The following PBXIP1 variants were observed in gnomAD, a reference collection of about 807,000 sequenced individuals.
PBXIP1 encodes the protein PBX homeobox interacting protein 1.
Under a neutral mutation model 73.7 loss-of-function variants are expected in PBXIP1, and 73 were observed. The ratio of observed to expected loss-of-function variants is 0.99; its 90% CI spans 0.82 to 1.20. PBXIP1 has a LOEUF of 1.20. Among genes scored for constraint, PBXIP1 ranks in the 50% most tolerant of loss-of-function variants. The pLI is 0.00. For missense variants in PBXIP1, 818 were observed against 911.4 expected (o/e 0.90, Z 1.32); for synonymous variants, 330 against 366.9 (o/e 0.90, Z 1.15).
chr1:154,950,824 T>C (rs1206154890), intron 5 of PBXIP1, among the ~76,000 whole-genome samples: 1 of 152,224 alleles, frequency 6.6e-6, no homozygotes, highest in African/African-American at 2.4e-5. Context: ...GTACCTTAAT[T>C]ACAGTTCTGT....
chr1:154,956,025 C>G (rs1379862897), intron 1 of PBXIP1, 44 bp downstream of exon 1: 1 of 152,414 alleles, frequency 6.6e-6, no homozygotes, highest in African/African-American at 2.4e-5. Flanking sequence ...TATTCCACCC[C>G]CTTCAAAGCG....
chr1:154,947,652 C>T lies in PBXIP1; in HGVS notation c.728G>A (p.Gly243Glu), dbSNP rs144153466. 1.9e-6 allele frequency: 3 copies of T among 1,613,932 alleles called. No homozygotes were observed. In the African/African-American group the frequency reaches 4.0e-5, roughly 22 times the overall value. ...GACATTCACACATACCTGCCTGTCC[C>T]CCACAGCTTCCAGCACCTCGGGGTC... Reference protein sequence around the residue: ...LPDPEVLEAVGDRQDGLREQL... With the variant: ...LPDPEVLEAVEDRQDGLREQL... The change falls in exon 8 of 11, where the codon GGG becomes GAG. Residue 243 changes from glycine to glutamate, a missense_variant. Gly to Glu is a moderately conservative substitution (Grantham distance 98). Transcript: ENST00000368463.
Position 154,945,764 on chromosome 1 carries a change from G to A in PBXIP1, c.1910C>T (p.Pro637Leu). Residue 637 changes from proline (P) to leucine (L), a missense_variant, in exon 10 of 11, where the codon CCC (proline) becomes CTC (leucine). Transcript: ENST00000368463. ...PWAGQLTKEL[P>L]LSPAFFGEDG... ...CTCACCAAAGAAAGCAGGTGAGAGGGGTAGCTCCTTGGTCAGCTGCCCAGC... is the reference window on the plus strand; with the variant it reads ...CTCACCAAAGAAAGCAGGTGAGAGGAGTAGCTCCTTGGTCAGCTGCCCAGC... 1.9e-6 allele frequency: 3 copies of A among 1,614,210 alleles called. No individual in the cohort carries two copies. The highest frequency in any genetic ancestry group is 2.5e-6 in the Non-Finnish European group (3 of 1,180,024).
chr1:154,955,594 T>C (rs914819530), intron 1 of PBXIP1, among the ~76,000 whole-genome samples: 4 of 152,172 alleles, frequency 2.6e-5, no homozygotes, highest in Non-Finnish European at 5.9e-5. Context: ...TATTAGGAAG[T>C]TCCTTCTGCT....
At chr1:154,953,814 G>T in intron 1 of PBXIP1, 57 bp from the exon 2 acceptor site, 2 of 1,148,460 alleles carry the variant, frequency 1.7e-6, no homozygotes, top group Non-Finnish European at 2.5e-6. Flanking sequence ...GCAGAATGCA[G>T]AAAGCAGCCT....
At position 154,946,665 on chromosome 1, in the gene PBXIP1, G is replaced by C; in HGVS notation, c.1009C>G (p.Arg337Gly). 6.2e-7 allele frequency: 1 copy of C among 1,612,678 alleles called. No homozygotes were observed. The highest frequency in any genetic ancestry group is 8.5e-7 in the Non-Finnish European group (1 of 1,179,048). ...CAGTCGGCCTCCAGCCCCTGGAGCC[G>C]GGCCCGCAGCTGCTGCAGCTCTGAC... ...LESELQQLRA[R>G]LQGLEADCVR... The change falls in exon 10 of 11, where the codon CGG becomes GGG. Residue 337 changes from arginine to glycine, a missense_variant. By Grantham distance (125) the Arg-to-Gly change is moderately radical (BLOSUM62 -2). Transcript: ENST00000368463.
chr1:154,953,790 T>C, intron 1 of PBXIP1, 33 bp from the exon 2 acceptor site: 2 of 1,440,352 alleles, frequency 1.4e-6, no homozygotes, highest in South Asian at 2.4e-5. Context: ...GGATGGGAGC[T>C]CCCTTCAGGA....
rs1202033790 is a variant in PBXIP1 at position 154,948,321 on chromosome 1, G to C, written c.455C>G (p.Thr152Ser). 4 of 1,609,624 alleles carry C rather than the reference G, an allele frequency of 2.5e-6. No homozygotes were observed. The highest frequency in any genetic ancestry group is 3.4e-6 in the Non-Finnish European group (4 of 1,178,288). Residue 152 changes from threonine to serine, a missense_variant, in exon 6 of 11, where the codon ACC (threonine) becomes AGC (serine). Transcript: ENST00000368463. The part of the protein sequence containing the change: ...EGRCSSSDDD[T>S]DVDMEGLRRR... ...CCGCAGACCCTCCATGTCCACGTCG[G>C]TGTCATCGTCACTGCTGGAGCAGCG...
At chr1:154,946,848 C>A in intron 9 of PBXIP1, 45 bp from the exon 10 acceptor site, 1 of 1,498,996 alleles carries the variant, frequency 6.7e-7, no homozygotes, top group South Asian at 1.4e-5. Flanking sequence ...GAGTTCTTGT[C>A]AGGATAGCCC....
rs1388728618 is a variant in PBXIP1 at position 154,946,458 on chromosome 1, C to A, written c.1216G>T (p.Gly406Trp). ...CTCTCCAGATCCTGCTGTACAGACC[C>A]CAGCAGCCGTCGCTGCCTCTCTAAC... ...QELERQRRLL[G>W]SVQQDLERSL... Residue 406 changes from glycine (G) to tryptophan (W), a missense_variant, in exon 10 of 11, where the codon GGG becomes TGG. Physicochemically the swap from Gly to Trp is radical, Grantham distance 184. Transcript: ENST00000368463. 4 of 1,608,562 alleles carry A rather than the reference C, an allele frequency of 2.5e-6. No individual in the cohort carries two copies. Among genetic ancestry groups the A allele is most frequent in the African/African-American group, 1.3e-5 (1 of 74,940 alleles).
At chr1:154,948,463 C>T in intron 5 of PBXIP1, 97 bp from the exon 6 acceptor site, 1 of 881,256 alleles carries the variant, frequency 1.1e-6, no homozygotes, top group Non-Finnish European at 1.7e-6. Flanking sequence ...GGAGGGAGGT[C>T]GTCAGCCCTG....
At position 154,944,398 on chromosome 1, in the gene PBXIP1, G is replaced by T. The variant is rs12403067; in HGVS notation, c.*626C>A. ...GGGATGGACCCATCCATTCAGGCAG[G>T]GGGTGTGGGGTGTCCCCTGTGCTTA... On this transcript the variant is annotated 3_prime_UTR_variant, in exon 11 of 11. Transcript: ENST00000368463. 2.0e-5 allele frequency: 3 copies of T among 152,632 alleles called. No individual in the cohort carries two copies. The highest frequency in any genetic ancestry group is 1.3e-4 in the Admixed American group (2 of 15,310). 9.5% of individuals were successfully genotyped at this position (152,632 alleles called of 1,614,324 possible).
In PBXIP1 at chr1:154,944,205, G is replaced by A. The variant is rs941998416; in HGVS notation, c.*819C>T. 6.6e-6 allele frequency: 1 copy of A among 152,238 alleles called. No homozygotes were observed. The highest frequency in any genetic ancestry group is 2.4e-5 in the African/African-American group (1 of 41,414). The allele number at this position is 152,238 out of a possible 1,614,324, so 9.4% of individuals were successfully genotyped here. A position where few individuals can be genotyped will look rare whatever the true frequency, so the allele number is the denominator to read the frequency against. ...TCACTTGGCCTGGATTTGAGCCTGAGGCTCAGACTCCAAAACCCACACTCA... is the reference window on the plus strand; with the variant it reads ...TCACTTGGCCTGGATTTGAGCCTGAAGCTCAGACTCCAAAACCCACACTCA... On this transcript the variant is annotated 3_prime_UTR_variant, in exon 11 of 11. Transcript: ENST00000368463.
Position 154,944,894 on chromosome 1 carries a change from T to C in PBXIP1, c.*130A>G. ...AGTGACATCAGTGCAGGGCTGGTGA[T>C]TTTGCTCTACTGTGTGAAAGATATC... On this transcript the variant is annotated 3_prime_UTR_variant, in exon 11 of 11. Coordinates refer to ENST00000368463, the MANE Select transcript of PBXIP1 (RefSeq NM_020524.4). 1 of 704,554 alleles carries C rather than the reference T, an allele frequency of 1.4e-6. No individual in the cohort carries two copies. The highest frequency in any genetic ancestry group is 2.5e-6 in the Non-Finnish European group (1 of 407,160). 43.6% of individuals were successfully genotyped at this position (704,554 alleles called of 1,614,324 possible).
intron 5 of PBXIP1, among the ~76,000 whole-genome samples, chr1:154,948,573 G>A (rs1018231149): frequency 1.3e-5 from 2 of 152,154 alleles, no homozygotes; most frequent in African/African-American, 4.8e-5. Context: ...GACCAGTGCT[G>A]TCAATCTACG....
rs775754687 is a variant in PBXIP1 at position 154,951,326 on chromosome 1, C to T, written c.315G>A (p.Leu105=). ...GPGDTVVQGD[L]QETTVVTGLG... is the part of the protein sequence containing the mutation. ...GGCCTGTCACCACGGTGGTCTCCTG[C>T]AGGTCTCCCTGGACTACTGTGTCTC... The change falls in exon 5 of 11, where the codon CTG becomes CTA. Residue 105 remains leucine, a synonymous_variant. Coordinates refer to ENST00000368463, the MANE Select transcript of PBXIP1 (RefSeq NM_020524.4). The surrounding 1 kb of genome is among the most constrained non-coding windows in gnomAD (Gnocchi z 4.3). The T allele has an allele frequency of 2.5e-6, 4 of 1,614,088 alleles. No individual in the cohort carries two copies. The South Asian group carries it at 4.4e-5, about 18-fold the overall frequency.
In PBXIP1 at chr1:154,945,002, C is replaced by T; in HGVS notation, c.*22G>A. 1 of 1,599,624 alleles carries T rather than the reference C, an allele frequency of 6.3e-7. No homozygotes were observed. Among genetic ancestry groups the T allele is most frequent in the East Asian group, 2.2e-5 (1 of 44,812 alleles). ...GATCTTGGGCTGGGCCAGGCCAAGG[C>T]CATTCCCTGTGGGGCAGGGTGTCAG... On this transcript the variant is annotated 3_prime_UTR_variant, in exon 11 of 11. Transcript: ENST00000368463.
At chr1:154,950,653 G>A (rs963658997) in intron 5 of PBXIP1, among the ~76,000 whole-genome samples, 6 of 152,222 alleles carry the variant, frequency 3.9e-5, no homozygotes, top group African/African-American at 1.4e-4. Context: ...CTCCTTTGCT[G>A]ATGCTGCAGC....
At chr1:154,947,025 T>G (rs1483753607) in intron 9 of PBXIP1, 1 of 550,520 alleles carries the variant, frequency 1.8e-6, no homozygotes, top group Non-Finnish European at 3.3e-6. Context: ...CATCTACATC[T>G]TTATATAAGC....
Sources: allele counts gnomAD v4.1 joint callset (sites outside exome capture counted in the v4.1 genomes callset), GRCh38; gene constraint gnomAD v4.1.1; non-coding constraint Gnocchi (gnomAD v3.1); transcripts MANE v1.5; gene names NCBI Gene and HGNC (gene_info 2026-07-23, HGNC 2026-07-21).